The following PCDHGB6 variants were observed in gnomAD, a reference collection of about 807,000 sequenced individuals.
The protein encoded by PCDHGB6 is protocadherin gamma-B6.
PCDHGB6 carries 51 observed loss-of-function variants against 59.1 expected under a neutral mutation model. The ratio of observed to expected loss-of-function variants is 0.86; its 90% CI spans 0.69 to 1.09. PCDHGB6 has a LOEUF of 1.09. PCDHGB6 is among the 50% of genes least tolerant of loss of function. The pLI is 0.00. For missense variants in PCDHGB6, 1,148 were observed against 1,205.1 expected (o/e 0.95, Z 0.70); for synonymous variants, 466 against 495.1 (o/e 0.94, Z 0.78).
rs752720166 is a variant in PCDHGB6, at chr5:141,419,978, G to C, written c.2418+9358G>C. 1.9e-6 allele frequency: 3 copies of C among 1,614,076 alleles called. No homozygotes were observed. In the South Asian group the frequency reaches 3.3e-5, roughly 18 times the overall value. On this transcript the variant is annotated intron_variant, in intron 1 of 3. Transcript: ENST00000520790. Reference sequence around the variant, plus strand: ...GATTTCTGTGCTCTTTCTCCTCGCGGTGATTCTAGCTATTGCTCTACGCCT... The same window carrying C: ...GATTTCTGTGCTCTTTCTCCTCGCGCTGATTCTAGCTATTGCTCTACGCCT...
intron 1 of PCDHGB6, among the ~76,000 whole-genome samples, chr5:141,444,095 T>C (rs1012556994): frequency 2.0e-5 from 3 of 150,676 alleles, no homozygotes; most frequent in Admixed American, 1.3e-4. Flanking sequence ...CTGCTAAGGA[T>C]TGGAAACCAA....
chr5:141,478,106 G>A (rs1474192496), intron 1 of PCDHGB6: 1 of 1,613,928 alleles, frequency 6.2e-7, no homozygotes, highest in Non-Finnish European at 8.5e-7. Context: ...TACCCTCACT[G>A]TGTCAGTAAC....
intron 1 of PCDHGB6, chr5:141,415,029 G>C (rs777967290): frequency 6.2e-7 from 1 of 1,613,552 alleles, no homozygotes; most frequent in South Asian, 1.1e-5. Flanking sequence ...CCAGCGAGCC[G>C]GGACTCTTCG....
chr5:141,511,233 TACCTGC>T lies in PCDHGB6; in HGVS notation c.*64_*69del. 4 of 1,595,428 alleles carry T rather than the reference TACCTGC, an allele frequency of 2.5e-6. No individual in the cohort carries two copies. The highest frequency in any genetic ancestry group is 3.4e-6 in the Non-Finnish European group (4 of 1,170,894). ...CTCCCCAACCAGCCCAGCTTCTCCT[TACCTGC>T]ACCCAGGCCTCAGAGTTTCAGGGCT... On this transcript the variant is annotated 3_prime_UTR_variant, in exon 4 of 4. Transcript: ENST00000520790.
intron 1 of PCDHGB6, among the ~76,000 whole-genome samples, chr5:141,472,980 CAAAAA>C (rs60579131): frequency 1.2e-5 from 1 of 86,106 alleles, no homozygotes; most frequent in African/African-American, 3.9e-5. Flanking sequence ...GAGTGAAACT[CAAAAA>C]AAAAAAAAAA....
At position 141,417,952 on chromosome 5, in the gene PCDHGB6, G is replaced by C. The variant is rs766243694; in HGVS notation, c.2418+7332G>C. 10 of 1,613,510 alleles carry C rather than the reference G, an allele frequency of 6.2e-6. No individual in the cohort carries two copies. In the African/African-American group the frequency reaches 1.3e-4, roughly 22 times the overall value. On this transcript the variant is annotated intron_variant, in intron 1 of 3. Coordinates refer to ENST00000520790, the MANE Select transcript of PCDHGB6 (RefSeq NM_018926.3). ...CTTTGTTCTACCCCACGCTGTGTGA[G>C]CCGATCCGCTACTCGATTCCGGAGG...
At chr5:141,482,234 A>G (rs11748256) in intron 1 of PCDHGB6, among the ~76,000 whole-genome samples, 44,758 of 152,044 alleles carry the variant, frequency 0.29, 7,110 homozygotes, top group African/African-American at 0.42. Context: ...GAAATTGCCA[A>G]TATAAGTATA....
At chr5:141,508,681 C>T (rs970069) in intron 3 of PCDHGB6, among the ~76,000 whole-genome samples, 26,289 of 151,984 alleles carry the variant, frequency 0.17, 2,539 homozygotes, top group Admixed American at 0.29. Flanking sequence ...CTCCCTTCTC[C>T]CTGCTTCTCC....
intron 1 of PCDHGB6, chr5:141,419,897 A>G: frequency 1.2e-6 from 2 of 1,613,960 alleles, no homozygotes; most frequent in African/African-American, 2.7e-5. Flanking sequence ...CGACCATCCC[A>G]CACCCTCTGA....
intron 1 of PCDHGB6, chr5:141,415,152 C>T (rs758450562): frequency 6.2e-7 from 1 of 1,613,812 alleles, no homozygotes; most frequent in Admixed American, 1.7e-5. Context: ...CCCCTCTCTC[C>T]GCCACTGTCA....
In PCDHGB6 at chr5:141,489,958, C is replaced by T; in HGVS notation, c.2419-4849C>T. 1 of 1,614,202 alleles carries T rather than the reference C, an allele frequency of 6.2e-7. No individual in the cohort carries two copies. The highest frequency in any genetic ancestry group is 8.5e-7 in the Non-Finnish European group (1 of 1,180,016). On this transcript the variant is annotated intron_variant, in intron 1 of 3. Transcript: ENST00000520790. This position sits in a 1 kb window ranked among gnomAD's most constrained non-coding sequence, Gnocchi z 4.5. ...CGTGCTGGACATCAATGATAATGCT[C>T]CAACCTTCCAATCCTCAGTTCTACG... is the stretch of plus-strand genomic sequence containing the variant.
rs775654786 is a variant in PCDHGB6 at position 141,491,718 on chromosome 5, G to A, written c.2419-3089G>A. Reference sequence around the variant, plus strand: ...GGAGCCAGGTGAGGGGCTCGGCGCCGCCCCGGGCGACCCCTGGGGGCGGCA... The same window carrying A: ...GGAGCCAGGTGAGGGGCTCGGCGCCACCCCGGGCGACCCCTGGGGGCGGCA... On this transcript the variant is annotated intron_variant, in intron 1 of 3. Coordinates refer to ENST00000520790, the MANE Select transcript of PCDHGB6 (RefSeq NM_018926.3). This position sits in a 1 kb window ranked among gnomAD's most constrained non-coding sequence, Gnocchi z 6.9. 1 of 1,607,600 alleles carries A rather than the reference G, an allele frequency of 6.2e-7. No homozygotes were observed. The highest frequency in any genetic ancestry group is 2.2e-5 in the East Asian group (1 of 44,690).
intron 1 of PCDHGB6, chr5:141,423,387 G>A (rs373190092): frequency 6.2e-7 from 1 of 1,614,162 alleles, no homozygotes; most frequent in Non-Finnish European, 8.5e-7. Context: ...TGTGGCGCTG[G>A]CATAAGTCAC....
Position 141,447,048 on chromosome 5 carries a change from A to G in PCDHGB6, c.2418+36428A>G, listed in dbSNP as rs149112101. Among the ~76,000 whole-genome samples, 216 of 152,182 alleles carry G rather than the reference A, an allele frequency of 1.4e-3. 1 individual carries two copies. Among genetic ancestry groups the G allele is most frequent in the African/African-American group, 4.8e-3 (198 of 41,512 alleles). On this transcript the variant is annotated intron_variant, in intron 1 of 3. Transcript: ENST00000520790. ...GTTTTTTTTCTGTGTCTGGAATTCT[A>G]TTAAAATGTGTCAGGCTGTTTTAAT...
At chr5:141,413,716 C>T in intron 1 of PCDHGB6, 2 of 1,613,608 alleles carry the variant, frequency 1.2e-6, no homozygotes, top group Non-Finnish European at 1.7e-6. Flanking sequence ...CCCCAATAAG[C>T]ACTTCTCCCT....
intron 2 of PCDHGB6, among the ~76,000 whole-genome samples, chr5:141,500,310 G>A (rs1327269551): frequency 6.6e-6 from 1 of 151,740 alleles, no homozygotes; most frequent in Non-Finnish European, 1.5e-5. Flanking sequence ...CCAGGTTCAC[G>A]CCATGCTCCT....
chr5:141,453,676 C>T (rs1387074223), intron 1 of PCDHGB6, among the ~76,000 whole-genome samples: 1 of 152,174 alleles, frequency 6.6e-6, no homozygotes, highest in Admixed American at 6.6e-5. Flanking sequence ...AAAGGTAACA[C>T]ACTATGTAGG....
At chr5:141,423,042 G>A in intron 1 of PCDHGB6, 1 of 1,614,220 alleles carries the variant, frequency 6.2e-7, no homozygotes, top group Non-Finnish European at 8.5e-7. Context: ...ACGCCTGGCT[G>A]TCCTATCGCC....
chr5:141,410,730 C>CT (rs1191642079), intron 1 of PCDHGB6, 110 bp downstream of exon 1: 2 of 1,347,822 alleles, frequency 1.5e-6, no homozygotes, highest in Admixed American at 2.5e-5. Context: ...AAATCCATAG[C>CT]TTTTTACAAT....
Sources: gnomAD v4.1 joint callset for allele counts (sites outside exome capture counted in the v4.1 genomes callset) on GRCh38, gnomAD v4.1.1 for gene constraint, Gnocchi (gnomAD v3.1) non-coding constraint, MANE v1.5 for transcripts, NCBI Gene and HGNC (gene_info 2026-07-23, HGNC 2026-07-21) for gene names.